Variants in SGCD observed in about 807,000 individuals in gnomAD.
The protein encoded by SGCD is delta-sarcoglycan.
A neutral mutation model predicts 36.6 loss-of-function variants in SGCD; 18 were observed. The ratio of observed to expected loss-of-function variants is 0.49; its 90% CI spans 0.34 to 0.73. The LOEUF (loss-of-function observed/expected upper bound fraction) is 0.73, where lower values mean the gene tolerates loss of function less well. Ranked by LOEUF, SGCD falls within the 30% of genes least tolerant of loss-of-function variation. The probability of loss-of-function intolerance (pLI) is 0.01; values close to 1 mark genes in which losing one functional copy is unlikely to be tolerated. For missense variants in SGCD, 387 were observed against 346.7 expected (o/e 1.12, Z -0.92); for synonymous variants, 133 against 130.6 (o/e 1.02, Z -0.12).
chr5:155,979,728 G>T (rs188238640), intron 1 of SGCD, among the ~76,000 whole-genome samples: 2 of 152,254 alleles, frequency 1.3e-5, no homozygotes, highest in East Asian at 3.9e-4. Context: ...GACAGCTGAG[G>T]GCTGTCTGCT....
intron 3 of SGCD, among the ~76,000 whole-genome samples, chr5:156,278,734 G>A (rs778813609): frequency 2.0e-5 from 3 of 152,106 alleles, no homozygotes; most frequent in Non-Finnish European, 4.4e-5. Flanking sequence ...TGCAGGATGC[G>A]CTATATAACA....
intron 3 of SGCD, among the ~76,000 whole-genome samples, chr5:156,225,059 G>A (rs759058591): frequency 1.9e-4 from 29 of 151,972 alleles, no homozygotes; most frequent in South Asian, 4.2e-4. Context: ...AAATAGAAAC[G>A]TGAATATCTT....
chr5:156,519,269 C>T (rs1191467306), intron 4 of SGCD, among the ~76,000 whole-genome samples: 1 of 151,990 alleles, frequency 6.6e-6, no homozygotes. Flanking sequence ...TACACCCTTC[C>T]CAGACTGAAT....
At chr5:155,899,095 A>G (rs976346890) in intron 1 of SGCD, among the ~76,000 whole-genome samples, 8 of 152,192 alleles carry the variant, frequency 5.3e-5, no homozygotes, top group Admixed American at 4.6e-4. Flanking sequence ...GTTGTTAGAG[A>G]GAATGTGGCA....
intron 1 of SGCD, among the ~76,000 whole-genome samples, chr5:156,047,464 G>C (rs919848738): frequency 1.3e-5 from 2 of 152,064 alleles, no homozygotes; most frequent in African/African-American, 4.8e-5. Context: ...CAATGCATCT[G>C]GTGACTAAGT....
At chr5:156,527,468 T>A (rs766850293) in intron 4 of SGCD, among the ~76,000 whole-genome samples, 5 of 152,264 alleles carry the variant, frequency 3.3e-5, no homozygotes, top group Non-Finnish European at 4.4e-5. Flanking sequence ...GGTTAAAATG[T>A]CCTGGATGAT....
chr5:156,182,741 T>G (rs950927826), intron 3 of SGCD, among the ~76,000 whole-genome samples: 6 of 152,242 alleles, frequency 3.9e-5, no homozygotes, highest in Admixed American at 2.0e-4. Context: ...ATTGTGACTT[T>G]GCAGTTTCTC....
chr5:156,118,202 T>C (rs948223608), intron 2 of SGCD, among the ~76,000 whole-genome samples: 5 of 152,142 alleles, frequency 3.3e-5, no homozygotes, highest in African/African-American at 1.2e-4. Context: ...TGGGATAGCA[T>C]GCTGCCCTGA....
chr5:156,753,504 C>T (rs1246460671), intron 7 of SGCD, among the ~76,000 whole-genome samples: 2 of 152,160 alleles, frequency 1.3e-5, no homozygotes, highest in East Asian at 3.9e-4. Flanking sequence ...TCTGCAGTTT[C>T]CACAGGGTTT....
intron 6 of SGCD, among the ~76,000 whole-genome samples, chr5:156,610,238 T>C (rs1761724989): frequency 6.6e-6 from 1 of 152,244 alleles, no homozygotes; most frequent in Non-Finnish European, 1.5e-5. Context: ...ATGTCCTTTC[T>C]GTTTGTTAGT....
chr5:155,814,196 G>A, the SGCD span, among the ~76,000 whole-genome samples: 7 of 152,244 alleles, frequency 4.6e-5, no homozygotes, highest in East Asian at 7.7e-4. Flanking sequence ...TGCCACCCAC[G>A]TGGCTCTTGT....
intron 3 of SGCD, among the ~76,000 whole-genome samples, chr5:156,195,242 CTATT>C (rs1328579127): frequency 1.3e-5 from 2 of 152,150 alleles, no homozygotes; most frequent in South Asian, 2.1e-4. Flanking sequence ...AGAGAGAAGA[CTATT>C]TATTAGTCTT....
intron 1 of SGCD, among the ~76,000 whole-genome samples, chr5:156,056,302 T>C (rs1760054173): frequency 6.9e-6 from 1 of 145,784 alleles, no homozygotes; most frequent in African/African-American, 2.5e-5. Flanking sequence ...CTGAAACAAA[T>C]CCCTTTCTTG....
intron 3 of SGCD, among the ~76,000 whole-genome samples, chr5:156,152,082 A>C (rs536420927): frequency 6.6e-6 from 1 of 151,712 alleles, no homozygotes; most frequent in Admixed American, 6.5e-5. Context: ...TTAAAAAAAA[A>C]TGAAACTGAG....
chr5:155,907,134 G>A (rs912270476), intron 1 of SGCD, among the ~76,000 whole-genome samples: 1 of 150,242 alleles, frequency 6.7e-6, no homozygotes, highest in Non-Finnish European at 1.5e-5. Context: ...AAATGGAACA[G>A]CAAAGCCTAG....
the SGCD span, among the ~76,000 whole-genome samples, chr5:155,750,841 G>T: frequency 6.6e-6 from 1 of 152,234 alleles, no homozygotes; most frequent in East Asian, 1.9e-4. Context: ...TCATTTGCTA[G>T]TTCATAACAG....
chr5:156,738,892 A>G (rs1193231709), intron 7 of SGCD, among the ~76,000 whole-genome samples: 1 of 152,242 alleles, frequency 6.6e-6, no homozygotes, highest in African/African-American at 2.4e-5. Flanking sequence ...TCCAAGGTGA[A>G]ACATCCAGCA....
At chr5:156,074,933 C>A (rs749958162) in intron 1 of SGCD, among the ~76,000 whole-genome samples, 1 of 152,150 alleles carries the variant, frequency 6.6e-6, no homozygotes, top group Non-Finnish European at 1.5e-5. Context: ...ATCATGTGCA[C>A]CCAGCTTCTA....
chr5:156,254,681 T>G (rs1052571689), intron 3 of SGCD, among the ~76,000 whole-genome samples: 1 of 152,130 alleles, frequency 6.6e-6, no homozygotes, highest in Non-Finnish European at 1.5e-5. Flanking sequence ...AGACTCCATC[T>G]CTACAAAAAT....
Sources: allele counts gnomAD v4.1 joint callset (sites outside exome capture counted in the v4.1 genomes callset), GRCh38; gene constraint gnomAD v4.1.1; transcripts MANE v1.5; gene names NCBI Gene and HGNC (gene_info 2026-07-23, HGNC 2026-07-21).